SLC25A21: variants seen among roughly 807,000 people sequenced by gnomAD.
SLC25A21 encodes solute carrier family 25 member 21.
Under a neutral mutation model 43.8 loss-of-function variants are expected in SLC25A21, and 47 were observed. The ratio of observed to expected loss-of-function variants is 1.07; its 90% CI spans 0.85 to 1.37. SLC25A21 has a LOEUF of 1.37. Ranked by LOEUF, SLC25A21 falls within the 40% of genes most tolerant of loss-of-function variation. SLC25A21 has a pLI of 0.00. For missense variants in SLC25A21, 352 were observed against 350.2 expected (o/e 1.00, Z -0.04); for synonymous variants, 131 against 121.3 (o/e 1.08, Z -0.52).
chr14:36,999,700 T>A lies in SLC25A21; in HGVS notation c.71-124696A>T, dbSNP rs555281903. On this transcript the variant is annotated intron_variant, in intron 1 of 9. Transcript: ENST00000331299. ...TCTTAAAAAGTAAAGTCTTTTTTTT[T>A]AAAAGCCTAATTATTGCCTCAGAGC... 4.3e-4 allele frequency among the ~76,000 whole-genome samples: 66 copies of A among 152,180 alleles called. 1 individual carries two copies. The highest frequency in any genetic ancestry group is 4.3e-4 in the Non-Finnish European group (29 of 67,992).
At chr14:37,050,557 T>C (rs941463731) in intron 1 of SLC25A21, among the ~76,000 whole-genome samples, 1 of 152,172 alleles carries the variant, frequency 6.6e-6, no homozygotes, top group Non-Finnish European at 1.5e-5. Flanking sequence ...ACACTTTTTT[T>C]CTAATAGAGC....
At chr14:36,855,849 T>C (rs1889881350) in intron 2 of SLC25A21, among the ~76,000 whole-genome samples, 1 of 152,168 alleles carries the variant, frequency 6.6e-6, no homozygotes, top group Non-Finnish European at 1.5e-5. Flanking sequence ...CTTAACCCAG[T>C]GGTTCTCAAC....
chr14:36,909,299 G>T (rs1011034162), intron 1 of SLC25A21, among the ~76,000 whole-genome samples: 2 of 152,100 alleles, frequency 1.3e-5, no homozygotes, highest in Non-Finnish European at 1.5e-5. Context: ...CTTGCAAGGG[G>T]ATGAGACCCT....
chr14:37,033,171 TC>T (rs1349635590), intron 1 of SLC25A21, among the ~76,000 whole-genome samples: 1 of 152,186 alleles, frequency 6.6e-6, no homozygotes, highest in Admixed American at 6.5e-5. Flanking sequence ...CTACTTTGTT[TC>T]TATGAATTTT....
chr14:36,879,049 T>C (rs768395435), intron 1 of SLC25A21, among the ~76,000 whole-genome samples: 3 of 152,196 alleles, frequency 2.0e-5, no homozygotes, highest in Non-Finnish European at 4.4e-5. Context: ...TTAGACTCTC[T>C]AGCTGATTTT....
chr14:37,088,522 G>A (rs1423108637), intron 1 of SLC25A21, among the ~76,000 whole-genome samples: 2 of 152,184 alleles, frequency 1.3e-5, no homozygotes, highest in African/African-American at 2.4e-5. Context: ...CTCCTGCCAC[G>A]TATCTAAAAA....
At position 37,121,746 on chromosome 14, in the gene SLC25A21, G is replaced by A. The variant is rs796640806; in HGVS notation, c.70+50535C>T. The stretch of plus-strand genomic sequence containing the variant: ...GGAGGTTGCAGTGAGCCAAGATCGC[G>A]CCACTGCACTCCAGCCTGAGCGACG... On this transcript the variant is annotated intron_variant, in intron 1 of 9. Transcript: ENST00000331299. Among the ~76,000 whole-genome samples, 30 of 152,122 alleles carry A rather than the reference G, an allele frequency of 2.0e-4. 1 individual carries two copies. Among genetic ancestry groups the A allele is most frequent in the African/African-American group, 7.0e-4 (29 of 41,506 alleles).
intron 1 of SLC25A21, among the ~76,000 whole-genome samples, chr14:37,080,616 G>GA (rs1962368821): frequency 1.3e-5 from 2 of 151,958 alleles, no homozygotes; most frequent in Admixed American, 1.3e-4. Flanking sequence ...AAACAAACAA[G>GA]AAAAAAACTA....
At chr14:37,084,195 C>T (rs1962440891) in intron 1 of SLC25A21, among the ~76,000 whole-genome samples, 3 of 152,198 alleles carry the variant, frequency 2.0e-5, no homozygotes, top group African/African-American at 2.4e-5. Context: ...CATGCACCCT[C>T]ACCTCTATGC....
intron 1 of SLC25A21, among the ~76,000 whole-genome samples, chr14:36,956,878 CATG>C (rs1959356201): frequency 6.6e-6 from 1 of 152,050 alleles, no homozygotes; most frequent in African/African-American, 2.4e-5. Context: ...GTGGATTGGC[CATG>C]ATGATAAAGA....
intron 1 of SLC25A21, among the ~76,000 whole-genome samples, chr14:37,034,858 A>C (rs1221075971): frequency 6.6e-6 from 1 of 152,226 alleles, no homozygotes; most frequent in East Asian, 1.9e-4. Flanking sequence ...CATGAGGAAG[A>C]GCATTCGGCT....
intron 1 of SLC25A21, among the ~76,000 whole-genome samples, chr14:37,134,149 C>T (rs753386387): frequency 1.3e-5 from 2 of 152,072 alleles, no homozygotes; most frequent in African/African-American, 2.4e-5. Flanking sequence ...CAGAAGTTAG[C>T]GACAGTCTTG....
rs554722997 is a variant in SLC25A21, at chr14:36,934,703, C to T, written c.71-59699G>A. Among the ~76,000 whole-genome samples, 8 of 123,770 alleles carry T rather than the reference C, an allele frequency of 6.5e-5. No homozygotes were observed. The East Asian group carries it at 8.0e-4, about 12-fold the overall frequency. 81.2% of individuals were successfully genotyped at this position (123,770 alleles called of 152,430 possible). On this transcript the variant is annotated intron_variant, in intron 1 of 9. Transcript: ENST00000331299. The stretch of plus-strand genomic sequence containing the variant: ...CTCACTTTTGCTCCTTAGAGTTATA[C>T]ACACACACACAGAGAAAAGAGAGAG...
At chr14:36,836,286 A>G (rs557299966) in intron 2 of SLC25A21, among the ~76,000 whole-genome samples, 5 of 152,358 alleles carry the variant, frequency 3.3e-5, no homozygotes, top group African/African-American at 1.2e-4. Context: ...CTAGTCAGGA[A>G]ATCATTGGCA....
chr14:37,067,303 GAAGTA>G lies in SLC25A21; in HGVS notation c.70+104973_70+104977del, dbSNP rs149513997. Among the ~76,000 whole-genome samples, 1,415 of 152,260 alleles carry G rather than the reference GAAGTA, an allele frequency of 9.3e-3. 16 individuals are homozygous for G. Among genetic ancestry groups the G allele is most frequent in the Admixed American group, 0.016 (248 of 15,284 alleles). On this transcript the variant is annotated intron_variant, in intron 1 of 9. Coordinates refer to ENST00000331299, the MANE Select transcript of SLC25A21 (RefSeq NM_030631.4). ...CCAAAAAATGAAGTAAAAGCAGCCA[GAAGTA>G]AAGGACAGATTATTCCTAAAGAGCA... is the stretch of plus-strand genomic sequence containing the variant.
intron 2 of SLC25A21, among the ~76,000 whole-genome samples, chr14:36,862,530 G>C (rs529273990): frequency 1.5e-3 from 230 of 152,244 alleles, no homozygotes; most frequent in African/African-American, 5.3e-3. Flanking sequence ...AACAGTGCAT[G>C]TTCTCACTCA....
intron 3 of SLC25A21, among the ~76,000 whole-genome samples, chr14:36,773,512 T>A (rs1417663211): frequency 6.6e-6 from 1 of 152,174 alleles, no homozygotes; most frequent in Non-Finnish European, 1.5e-5. Context: ...GAGTATTAAT[T>A]TGAAATCTAG....
intron 1 of SLC25A21, among the ~76,000 whole-genome samples, chr14:37,158,964 A>G (rs1412373496): frequency 2.0e-5 from 3 of 152,182 alleles, no homozygotes; most frequent in African/African-American, 7.2e-5. Flanking sequence ...AAAGAAATCA[A>G]GAAGGCAATC....
chr14:36,758,302 G>A (rs1319017374), intron 3 of SLC25A21, among the ~76,000 whole-genome samples: 1 of 152,154 alleles, frequency 6.6e-6, no homozygotes, highest in African/African-American at 2.4e-5. Flanking sequence ...GGCTTCAAGT[G>A]GCTGATTATG....
Sources: allele counts gnomAD v4.1 joint callset (sites outside exome capture counted in the v4.1 genomes callset), GRCh38; gene constraint gnomAD v4.1.1; transcripts MANE v1.5; gene names NCBI Gene and HGNC (gene_info 2026-07-23, HGNC 2026-07-21).